Variants in TMIGD3 observed in about 807,000 individuals in gnomAD.
TMIGD3 encodes AD026 protein (AD026).
TMIGD3 carries 21 observed loss-of-function variants against 28.1 expected under a neutral mutation model. The observed-to-expected ratio is 0.75, with a 90% CI of 0.53 to 1.08. The LOEUF (loss-of-function observed/expected upper bound fraction) is 1.08, where lower values mean the gene tolerates loss of function less well. Ranked by LOEUF, TMIGD3 falls within the 50% of genes least tolerant of loss-of-function variation. The pLI is 0.00. For missense variants in TMIGD3, 416 were observed against 435.6 expected (o/e 0.96, Z 0.40); for synonymous variants, 151 against 162.1 (o/e 0.93, Z 0.52).
chr1:111,501,697 C>CG (rs1655184363), intron 1 of TMIGD3, among the ~76,000 whole-genome samples: 1 of 152,036 alleles, frequency 6.6e-6, no homozygotes, highest in Non-Finnish European at 1.5e-5. Context: ...TTCCGAGCAT[C>CG]GTAACCACTG....
rs1457656474 is a variant in TMIGD3, at chr1:111,503,279, C to T, written c.76G>A (p.Ala26Thr). 8.1e-6 allele frequency: 13 copies of T among 1,614,086 alleles called. No individual in the cohort carries two copies. Among genetic ancestry groups the T allele is most frequent in the East Asian group, 6.7e-5 (3 of 44,902 alleles). ...ITMEIFIGLC[A>T]IVGNVLVICV... is the part of the protein sequence containing the mutation. ...ATGACCAGCACGTTGCCCACTATGGCGCAGAGTCCAATGAAAATTTCCATG... is the reference window on the plus strand; with the variant it reads ...ATGACCAGCACGTTGCCCACTATGGTGCAGAGTCCAATGAAAATTTCCATG... Residue 26 changes from alanine (A) to threonine (T), a missense_variant, in exon 1 of 6, where the codon GCC becomes ACC. Transcript: ENST00000369716.
In TMIGD3 at chr1:111,556,450, C is replaced by A. The variant is rs1571464403; in HGVS notation, c.107+7396G>T. On this transcript the variant is annotated intron_variant, in intron 1 of 5. Coordinates refer to the TMIGD3 transcript ENST00000369717. The stretch of plus-strand genomic sequence containing the variant: ...GGGACTTGAACAGATATTTGTACAC[C>A]CATGTTTATAGCAGCATTACTCACA... 4.6e-5 allele frequency among the ~76,000 whole-genome samples: 7 copies of A among 152,176 alleles called. No homozygotes were observed. In the South Asian group the frequency reaches 1.5e-3, roughly 32 times the overall value.
chr1:111,533,700 C>T (rs1656528399), intron 1 of TMIGD3, among the ~76,000 whole-genome samples: 1 of 152,098 alleles, frequency 6.6e-6, no homozygotes, highest in Non-Finnish European at 1.5e-5. Context: ...ATTACAGGAG[C>T]GTGCCACCAC....
Position 111,490,675 on chromosome 1 carries a change from G to C in TMIGD3, c.438C>G (p.Leu146=), listed in dbSNP as rs1002424792. ...TCCTACCTGAAATGAGAGCCAAGGAGAGTAGAATGAAGAGCCACATGACTG... is the reference window on the plus strand; with the variant it reads ...TCCTACCTGAAATGAGAGCCAAGGACAGTAGAATGAAGAGCCACATGACTG... ...FLPVMWLFIL[L]SLALISDAMV... Residue 146 remains leucine (L), a synonymous_variant, in exon 2 of 6, where the codon CTC becomes CTG. Coordinates refer to ENST00000369716, the MANE Select transcript of TMIGD3 (RefSeq NM_020683.7). The C allele has an allele frequency of 7.4e-6, 12 of 1,613,356 alleles. No individual in the cohort carries two copies. The highest frequency in any genetic ancestry group is 9.3e-6 in the Non-Finnish European group (11 of 1,179,324).
chr1:111,521,798 G>A (rs1313618298), intron 1 of TMIGD3, among the ~76,000 whole-genome samples: 1 of 152,104 alleles, frequency 6.6e-6, no homozygotes, highest in East Asian at 1.9e-4. Context: ...CGTATATTTT[G>A]TGCTTTTGTG....
chr1:111,543,631 AG>A (rs1656927067), intron 1 of TMIGD3, among the ~76,000 whole-genome samples: 1 of 148,328 alleles, frequency 6.7e-6, no homozygotes, highest in Admixed American at 6.7e-5. Context: ...GAGGAATAGG[AG>A]GAGGAAGAGA....
chr1:111,557,529 A>G (rs754264469), intron 1 of TMIGD3, among the ~76,000 whole-genome samples: 13 of 151,984 alleles, frequency 8.6e-5, no homozygotes, highest in Non-Finnish European at 1.8e-4. Context: ...CAGCCTGGGC[A>G]ATAGAGTGAG....
At position 111,488,893 on chromosome 1, in the gene TMIGD3, T is replaced by C. The variant is rs754048650; in HGVS notation, c.589A>G (p.Asn197Asp). Residue 197 changes from asparagine to aspartate, a missense_variant, in exon 3 of 6, where the codon AAC (asparagine) becomes GAC (aspartate). Asn to Asp is a conservative substitution (Grantham distance 23). Coordinates refer to ENST00000369716, the MANE Select transcript of TMIGD3 (RefSeq NM_020683.7). ...WCRGYFRDYC[N>D]IIAFSPNSTN... is the part of the protein sequence containing the mutation. The stretch of plus-strand genomic sequence containing the variant: ...CTGTTAGGGGAGAAGGCGATGATGT[T>C]GCAGTAGTCACGGAAATAGCCTCGG... 15 of 1,614,086 alleles carry C rather than the reference T, an allele frequency of 9.3e-6. No homozygotes were observed. The Admixed American group carries it at 1.0e-4, about 11-fold the overall frequency.
chr1:111,500,946 C>A (rs1017269347), intron 1 of TMIGD3: 1 of 279,550 alleles, frequency 3.6e-6, no homozygotes, highest in Non-Finnish European at 6.7e-6. Context: ...TCAAAAACAT[C>A]CACAGGTGAA....
At chr1:111,533,326 A>G (rs2786967) in intron 1 of TMIGD3, among the ~76,000 whole-genome samples, 54,679 of 152,118 alleles carry the variant, frequency 0.36, 10,477 homozygotes, top group Non-Finnish European at 0.44. Flanking sequence ...CTAGGCTACC[A>G]CAGATTCAAT....
At chr1:111,551,899 A>G (rs1453291781) in intron 1 of TMIGD3, among the ~76,000 whole-genome samples, 1 of 152,176 alleles carries the variant, frequency 6.6e-6, no homozygotes, top group African/African-American at 2.4e-5. Flanking sequence ...AGAGGGGAGA[A>G]ATCAGGACTT....
At chr1:111,504,826 C>T (rs1655423106), upstream of TMIGD3, 5 of 983,298 alleles carry the variant, frequency 5.1e-6, no homozygotes, top group South Asian at 1.9e-4. Flanking sequence ...CGACCCCCAC[C>T]CTGTATCCCA....
At position 111,488,833 on chromosome 1, in the gene TMIGD3, G is replaced by T; in HGVS notation, c.649C>A (p.Gln217Lys). 6.2e-7 allele frequency: 1 copy of T among 1,614,212 alleles called. No homozygotes were observed. The highest frequency in any genetic ancestry group is 8.5e-7 in the Non-Finnish European group (1 of 1,180,046). Residue 217 changes from glutamine (Q) to lysine (K), a missense_variant, in exon 3 of 6, where the codon CAG (glutamine) becomes AAG (lysine). Gln to Lys is a moderately conservative substitution (Grantham distance 53). Transcript: ENST00000369716. ...AGGCAGGACATAGTGACAATGAGCT[G>T]GTTCCCTGTGTCCCTCAGGGCCACA... is the stretch of plus-strand genomic sequence containing the variant. ...NHVALRDTGN[Q>K]LIVTMSCLTK...
chr1:111,514,701 A>G (rs2100997556), intron 1 of TMIGD3, among the ~76,000 whole-genome samples: 1 of 152,062 alleles, frequency 6.6e-6, no homozygotes, highest in South Asian at 2.1e-4. Context: ...AAGTCATGGT[A>G]AAAAGAGTCA....
At chr1:111,541,069 C>T (rs1226439698) in intron 1 of TMIGD3, among the ~76,000 whole-genome samples, 1 of 152,180 alleles carries the variant, frequency 6.6e-6, no homozygotes, top group Non-Finnish European at 1.5e-5. Context: ...TCTGTCTCTA[C>T]TCAACTCTGT....
At chr1:111,492,090 C>T (rs1654695310) in intron 1 of TMIGD3, among the ~76,000 whole-genome samples, 1 of 152,162 alleles carries the variant, frequency 6.6e-6, no homozygotes, top group African/African-American at 2.4e-5. Flanking sequence ...AGCCACCAAG[C>T]TCTTGAGTAG....
At chr1:111,529,968 T>A (rs1260042772) in intron 1 of TMIGD3, among the ~76,000 whole-genome samples, 1 of 100,012 alleles carries the variant, frequency 1.0e-5, no homozygotes, top group Non-Finnish European at 2.0e-5. Flanking sequence ...GCCCCTCACC[T>A]CCCGGATGGG....
intron 1 of TMIGD3, among the ~76,000 whole-genome samples, chr1:111,552,502 A>G (rs1250289517): frequency 6.6e-6 from 1 of 152,122 alleles, no homozygotes; most frequent in African/African-American, 2.4e-5. Context: ...TTTATGTTGG[A>G]GTTCATTTTC....
intron 3 of TMIGD3, 105 bp downstream of exon 3, chr1:111,488,572 G>A: frequency 9.7e-7 from 1 of 1,027,582 alleles, no homozygotes. Context: ...AAAGTACCCA[G>A]TGGGAGTCTG....
Sources: allele counts gnomAD v4.1 joint callset (sites outside exome capture counted in the v4.1 genomes callset), GRCh38; gene constraint gnomAD v4.1.1; transcripts MANE v1.5; gene names NCBI Gene and HGNC (gene_info 2026-07-23, HGNC 2026-07-21).